Variants in TEX2 observed in about 807,000 individuals in gnomAD.
The protein encoded by TEX2 is testis expressed 2.
Under a neutral mutation model 106.9 loss-of-function variants are expected in TEX2, and 53 were observed. The ratio of observed to expected loss-of-function variants is 0.50; its 90% CI spans 0.40 to 0.62. The LOEUF is 0.62. Ranked by LOEUF, TEX2 falls within the 20% of genes least tolerant of loss-of-function variation. The pLI, the probability that TEX2 is intolerant of heterozygous loss-of-function variation, is 0.00. For missense variants in TEX2, 1,207 were observed against 1,379.0 expected (o/e 0.88, Z 1.98); for synonymous variants, 523 against 534.8 (o/e 0.98, Z 0.30).
intron 7 of TEX2, among the ~76,000 whole-genome samples, chr17:64,162,585 T>C (rs2030937183): frequency 1.3e-5 from 2 of 152,240 alleles, no homozygotes; most frequent in African/African-American, 4.8e-5. Context: ...AGTCTGTTTT[T>C]TAAATGAAGA....
chr17:64,175,515 G>C (rs2031583582), intron 6 of TEX2, among the ~76,000 whole-genome samples: 1 of 152,208 alleles, frequency 6.6e-6, no homozygotes, highest in South Asian at 2.1e-4. Flanking sequence ...TTCACAAATA[G>C]GGCAGAGGCT....
intron 6 of TEX2, among the ~76,000 whole-genome samples, chr17:64,172,871 A>G (rs1465021985): frequency 6.6e-6 from 1 of 152,222 alleles, no homozygotes; most frequent in Non-Finnish European, 1.5e-5. Flanking sequence ...AGGAAATAAC[A>G]TAAGAATACT....
chr17:64,196,821 G>T (rs1555629363), intron 2 of TEX2, among the ~76,000 whole-genome samples: 1 of 152,062 alleles, frequency 6.6e-6, no homozygotes, highest in Non-Finnish European at 1.5e-5. Context: ...GATTAAGGAT[G>T]TATGAGTCAT....
At chr17:64,222,518 CAAAAA>C (rs11296538) in intron 1 of TEX2, among the ~76,000 whole-genome samples, 1 of 99,146 alleles carries the variant, frequency 1.0e-5, no homozygotes, top group Non-Finnish European at 2.1e-5. Flanking sequence ...TTCCAACTCA[CAAAAA>C]AAAAAAAAAA....
intron 1 of TEX2, among the ~76,000 whole-genome samples, chr17:64,227,434 G>A (rs986125367): frequency 5.9e-5 from 9 of 152,098 alleles, no homozygotes; most frequent in Middle Eastern, 3.2e-3. Context: ...AGGTTTAACA[G>A]TAATTGTTAT....
chr17:64,182,828 TA>T (rs2031931162), intron 5 of TEX2, among the ~76,000 whole-genome samples: 1 of 152,192 alleles, frequency 6.6e-6, no homozygotes, highest in East Asian at 1.9e-4. Flanking sequence ...TATTGCATAA[TA>T]ATATTATCAT....
chr17:64,178,127 A>C (rs1172855331), intron 5 of TEX2, among the ~76,000 whole-genome samples: 1 of 152,212 alleles, frequency 6.6e-6, no homozygotes, highest in Non-Finnish European at 1.5e-5. Flanking sequence ...TGTTCTCACC[A>C]ATCTCGGCCC....
intron 1 of TEX2, among the ~76,000 whole-genome samples, chr17:64,216,360 T>A (rs2033185268): frequency 6.6e-6 from 1 of 152,258 alleles, no homozygotes; most frequent in Non-Finnish European, 1.5e-5. Context: ...AGTTTGGTAT[T>A]TGATAATTCT....
intron 1 of TEX2, among the ~76,000 whole-genome samples, chr17:64,226,618 T>A (rs782158781): frequency 6.6e-6 from 1 of 152,046 alleles, no homozygotes; most frequent in Non-Finnish European, 1.5e-5. Flanking sequence ...ACCCAAAAGT[T>A]CAAATGGCCA....
Position 64,149,096 on chromosome 17 carries a change from AG to A in TEX2, c.3262-6del. The A allele has an allele frequency of 6.2e-7, 1 of 1,613,782 alleles. No homozygotes were observed. ...GTTTGGCATGACAAAAACTTTCTGT[AG>A]GAAGATATTAAAGAACAGCTATGTG... On this transcript the variant is annotated splice_region_variant and splice_polypyrimidine_tract_variant and intron_variant, in intron 11 of 11. Coordinates refer to ENST00000584379, the MANE Select transcript of TEX2 (RefSeq NM_001288732.2).
chr17:64,176,075 G>A (rs891656526), intron 6 of TEX2, among the ~76,000 whole-genome samples: 2 of 152,154 alleles, frequency 1.3e-5, no homozygotes, highest in East Asian at 1.9e-4. Context: ...GCAGAAGCAC[G>A]TTCAACCCTC....
At chr17:64,243,444 G>GA (rs2033928399) in intron 1 of TEX2, among the ~76,000 whole-genome samples, 1 of 152,096 alleles carries the variant, frequency 6.6e-6, no homozygotes, top group Non-Finnish European at 1.5e-5. Context: ...ACCCTTGGGG[G>GA]AAACACTGGG....
At chr17:64,259,321 G>A (rs137908659) in intron 1 of TEX2, among the ~76,000 whole-genome samples, 3 of 152,214 alleles carry the variant, frequency 2.0e-5, no homozygotes, top group African/African-American at 4.8e-5. Flanking sequence ...GACATTTCAC[G>A]CAGTGTAATT....
chr17:64,149,308 C>T lies in TEX2; in HGVS notation c.3262-217G>A, dbSNP rs111401901. On this transcript the variant is annotated intron_variant, in intron 11 of 11. Coordinates refer to ENST00000584379, the MANE Select transcript of TEX2 (RefSeq NM_001288732.2). ...ACGAGAATCCTCTAATATATCAGCT[C>T]GGAGGCAGAAGTGGCCTTTGATTTT... 3.5e-3 allele frequency: 1,783 copies of T among 513,738 alleles called. 5 individuals carry two copies. The highest frequency in any genetic ancestry group is 5.6e-3 in the Middle Eastern group (11 of 1,952). 31.8% of individuals were successfully genotyped at this position (513,738 alleles called of 1,614,324 possible).
At chr17:64,190,426 A>G (rs1476463894) in intron 4 of TEX2, among the ~76,000 whole-genome samples, 1 of 152,218 alleles carries the variant, frequency 6.6e-6, no homozygotes, top group African/African-American at 2.4e-5. Flanking sequence ...GGGCAGCATG[A>G]TACCAACACT....
intron 3 of TEX2, 125 bp downstream of exon 3, chr17:64,194,770 C>T (rs900550092): frequency 1.6e-5 from 13 of 801,048 alleles, no homozygotes; most frequent in South Asian, 3.4e-5. Context: ...GAGGTACTGT[C>T]CCCTAAGGTA....
chr17:64,222,228 A>G (rs2033376466), intron 1 of TEX2, among the ~76,000 whole-genome samples: 1 of 152,166 alleles, frequency 6.6e-6, no homozygotes, highest in Non-Finnish European at 1.5e-5. Context: ...ACATTTTAAA[A>G]AGCAAAAATT....
At chr17:64,242,588 G>A (rs1174821157) in intron 1 of TEX2, among the ~76,000 whole-genome samples, 3 of 152,168 alleles carry the variant, frequency 2.0e-5, no homozygotes, top group Admixed American at 6.5e-5. Context: ...CAAGAGGACT[G>A]CAGTTTCAGA....
rs1555632747 is a variant in TEX2, at chr17:64,217,095, A to C, written c.-25-2853T>G. 6.6e-6 allele frequency among the ~76,000 whole-genome samples: 1 copy of C among 152,200 alleles called. No homozygotes were observed. The highest frequency in any genetic ancestry group is 2.4e-5 in the African/African-American group (1 of 41,460). On this transcript the variant is annotated intron_variant, in intron 1 of 11. Transcript: ENST00000584379. The surrounding 1 kb of genome is among the most constrained non-coding windows in gnomAD (Gnocchi z 4.3). ...AAAATGTCCAGGCTTCTGTTTGCTC[A>C]TCTGCAAAATGAGGGGATTAGGCTA...
Sources: gnomAD v4.1 joint callset for allele counts (sites outside exome capture counted in the v4.1 genomes callset) on GRCh38, gnomAD v4.1.1 for gene constraint, Gnocchi (gnomAD v3.1) non-coding constraint, MANE v1.5 for transcripts, NCBI Gene and HGNC (gene_info 2026-07-23, HGNC 2026-07-21) for gene names.